Variants in ZNF354C observed in about 807,000 individuals in gnomAD.
ZNF354C encodes the protein KRAB-zinc finger protein synten.
ZNF354C carries 7 observed loss-of-function variants against 12.4 expected under a neutral mutation model. The observed-to-expected ratio is 0.56, with a 90% CI of 0.32 to 1.06. The LOEUF (loss-of-function observed/expected upper bound fraction) is 1.06. ZNF354C is among the 50% of genes least tolerant of loss of function. The pLI is 0.04. For missense variants in ZNF354C, 609 were observed against 658.0 expected (o/e 0.93, Z 0.81); for synonymous variants, 202 against 224.5 (o/e 0.90, Z 0.90).
rs1021614858 is a variant in ZNF354C, at chr5:179,083,677, C to G, written c.*3580C>G. 1 of 152,180 alleles carries G rather than the reference C, an allele frequency of 6.6e-6. No individual in the cohort carries two copies. The highest frequency in any genetic ancestry group is 1.5e-5 in the Non-Finnish European group (1 of 68,044). 9.4% of individuals were successfully genotyped at this position (152,180 alleles called of 1,614,324 possible). A position where few individuals can be genotyped will look rare whatever the true frequency, so the allele number is the denominator to read the frequency against. On this transcript the variant is annotated 3_prime_UTR_variant, in exon 5 of 5. Transcript: ENST00000315475. ...CCAGTTCTCCTTTAAATGGAATGAG[C>G]ATGTTCCACTTTATCTCTCATGCTA... is the stretch of plus-strand genomic sequence containing the variant.
intron 2 of ZNF354C, among the ~76,000 whole-genome samples, chr5:179,063,369 G>A (rs1302954066): frequency 6.6e-6 from 1 of 152,146 alleles, no homozygotes; most frequent in Non-Finnish European, 1.5e-5. Context: ...AGACCAACCT[G>A]AGCAACATAG....
rs1561754021 is a variant in ZNF354C at position 179,083,048 on chromosome 5, G to A, written c.*2951G>A. On this transcript the variant is annotated 3_prime_UTR_variant, in exon 5 of 5. Coordinates refer to ENST00000315475, the MANE Select transcript of ZNF354C (RefSeq NM_014594.3). ...CTTGCACACATTCCACTGGCCCTAC[G>A]CAGGGGTGTGATGTTGTAAGCCATA... is the stretch of plus-strand genomic sequence containing the variant. The A allele has an allele frequency of 6.5e-6, 5 of 768,878 alleles. No individual in the cohort carries two copies. The highest frequency in any genetic ancestry group is 2.3e-5 in the Admixed American group (1 of 42,636). 47.6% of individuals were successfully genotyped at this position (768,878 alleles called of 1,614,324 possible).
At chr5:179,061,885 C>T (rs1761898915) in intron 1 of ZNF354C, 130 bp from the exon 2 acceptor site, 6 of 687,300 alleles carry the variant, frequency 8.7e-6, no homozygotes, top group Non-Finnish European at 1.6e-5. Flanking sequence ...AGTAAACACT[C>T]TTCTTGCTTT....
chr5:179,079,781 G>C lies in ZNF354C; in HGVS notation c.1349G>C (p.Gly450Ala). ...TGTGAGGAATGTGGGAAAGCCTTTGGTTGCAAATCTAACCTTTATAGGCAT... is the reference window on the plus strand; with the variant it reads ...TGTGAGGAATGTGGGAAAGCCTTTGCTTGCAAATCTAACCTTTATAGGCAT... The part of the protein sequence containing the change: ...YTCEECGKAF[G>A]CKSNLYRHQR... The change falls in exon 5 of 5, where the codon GGT becomes GCT. Residue 450 changes from glycine to alanine, a missense_variant. Coordinates refer to ENST00000315475, the MANE Select transcript of ZNF354C (RefSeq NM_014594.3). This position sits in a 1 kb window ranked among gnomAD's most constrained non-coding sequence, Gnocchi z 4.2. The C allele has an allele frequency of 1.2e-6, 2 of 1,614,108 alleles. No homozygotes were observed. Among genetic ancestry groups the C allele is most frequent in the Non-Finnish European group, 1.7e-6 (2 of 1,180,010 alleles).
chr5:179,072,970 A>C (rs1402853603), intron 2 of ZNF354C, among the ~76,000 whole-genome samples: 2 of 152,202 alleles, frequency 1.3e-5, no homozygotes, highest in Non-Finnish European at 2.9e-5. Flanking sequence ...ACATATAGCT[A>C]GCTGGTTTCT....
In ZNF354C at chr5:179,062,114, T is replaced by G; in HGVS notation, c.27+19T>G. The G allele has an allele frequency of 6.2e-7, 1 of 1,614,088 alleles. No homozygotes were observed. Among genetic ancestry groups the G allele is most frequent in the African/African-American group, 1.3e-5 (1 of 75,036 alleles). The stretch of plus-strand genomic sequence containing the variant: ...TGCTCAGGTGAGAGTGAGTGAAGGT[T>G]GTCTTTTTCATCAGTTGGCTTCTGG... On this transcript the variant is annotated intron_variant, in intron 2 of 4. Transcript: ENST00000315475.
chr5:179,074,203 C>T (rs745399128), intron 2 of ZNF354C, among the ~76,000 whole-genome samples: 18 of 151,866 alleles, frequency 1.2e-4, no homozygotes, highest in Admixed American at 2.0e-4. Flanking sequence ...GGATGGTCTC[C>T]ATCTCTTGAC....
intron 2 of ZNF354C, among the ~76,000 whole-genome samples, chr5:179,064,863 T>G (rs1188973211): frequency 6.6e-6 from 1 of 152,128 alleles, no homozygotes; most frequent in South Asian, 2.1e-4. Context: ...CTCTACTTGT[T>G]AGGAAAACTG....
rs566002542 is a variant in ZNF354C, at chr5:179,064,995, A to G, written c.27+2900A>G. On this transcript the variant is annotated intron_variant, in intron 2 of 4. Coordinates refer to ENST00000315475, the MANE Select transcript of ZNF354C (RefSeq NM_014594.3). Reference sequence around the variant, plus strand: ...ATTTGGTATTGATTGCTTAATAGTCATAATTTGTTAATTACATATTTTTCT... The same window carrying G: ...ATTTGGTATTGATTGCTTAATAGTCGTAATTTGTTAATTACATATTTTTCT... Among the ~76,000 whole-genome samples the G allele has an allele frequency of 5.9e-5, 9 of 152,290 alleles. No individual in the cohort carries two copies. In the East Asian group the frequency reaches 1.7e-3, roughly 29 times the overall value.
intron 2 of ZNF354C, among the ~76,000 whole-genome samples, chr5:179,067,218 G>A (rs147192683): frequency 1.4e-3 from 212 of 152,284 alleles, no homozygotes; most frequent in African/African-American, 5.0e-3. Flanking sequence ...TCGTTCACAT[G>A]TCAGGTAGTT....
rs762681749 is a variant in ZNF354C at position 179,078,829 on chromosome 5, G to A, written c.397G>A (p.Glu133Lys). 40 of 1,613,954 alleles carry A rather than the reference G, an allele frequency of 2.5e-5. 1 individual carries two copies. Among genetic ancestry groups the A allele is most frequent in the South Asian group, 1.2e-4 (11 of 91,078 alleles). ...TGAAGAAGCTGTGGAATTTGAGAGC[G>A]AGATAGAAGAAGAGCAAGAGAAGAA... The part of the protein sequence containing the change: ...NFEEAVEFES[E>K]IEEEQEKKPL... The change falls in exon 5 of 5, where the codon GAG becomes AAG. Residue 133 changes from glutamate (E) to lysine (K), a missense_variant. Physicochemically the swap from Glu to Lys is moderately conservative, Grantham distance 56. Transcript: ENST00000315475.
In ZNF354C at chr5:179,082,443, G is replaced by C. The variant is rs1762241146; in HGVS notation, c.*2346G>C. On this transcript the variant is annotated 3_prime_UTR_variant, in exon 5 of 5. Coordinates refer to ENST00000315475, the MANE Select transcript of ZNF354C (RefSeq NM_014594.3). ...GTATGGAAATAAATAGACAAGTCCA[G>C]AGTTGGTATAGGACAACTGGACTTT... The C allele has an allele frequency of 4.0e-6, 2 of 496,696 alleles. No homozygotes were observed. Among genetic ancestry groups the C allele is most frequent in the Non-Finnish European group, 3.6e-6 (1 of 280,590 alleles). The allele number at this position is 496,696 out of a possible 1,614,324, so 30.8% of individuals were successfully genotyped here. A position where few individuals can be genotyped will look rare whatever the true frequency, so the allele number is the denominator to read the frequency against.
intron 2 of ZNF354C, among the ~76,000 whole-genome samples, chr5:179,075,811 C>T (rs1762111811): frequency 6.6e-6 from 1 of 152,220 alleles, no homozygotes; most frequent in Admixed American, 6.5e-5. Context: ...AATAAATGTA[C>T]TGAAATTTGC....
chr5:179,077,040 G>T, intron 3 of ZNF354C, 31 bp from the exon 4 acceptor site: 1 of 1,596,858 alleles, frequency 6.3e-7, no homozygotes, highest in Non-Finnish European at 8.6e-7. Flanking sequence ...CATGCTATTT[G>T]TTCAAACTTC....
chr5:179,079,842 T>C lies in ZNF354C; in HGVS notation c.1410T>C (p.Cys470=), dbSNP rs1561752610. 1.2e-6 allele frequency: 2 copies of C among 1,613,972 alleles called. No homozygotes were observed. Among genetic ancestry groups the C allele is most frequent in the Admixed American group, 3.3e-5 (2 of 60,004 alleles). The change falls in exon 5 of 5, where the codon TGT becomes TGC. Residue 470 remains cysteine (C), a synonymous_variant. Transcript: ENST00000315475. The surrounding 1 kb of genome is among the most constrained non-coding windows in gnomAD (Gnocchi z 4.2). The part of the protein sequence containing the change: ...RIHTGEKPYQ[C]NQCGKAFSQY... ...ATACTGGAGAGAAACCGTATCAGTGTAATCAGTGTGGAAAGGCCTTCAGCC... is the reference window on the plus strand; with the variant it reads ...ATACTGGAGAGAAACCGTATCAGTGCAATCAGTGTGGAAAGGCCTTCAGCC...
In ZNF354C at chr5:179,062,060, G is replaced by A; in HGVS notation, c.-9G>A. 6.2e-7 allele frequency: 1 copy of A among 1,614,198 alleles called. No individual in the cohort carries two copies. The highest frequency in any genetic ancestry group is 8.5e-7 in the Non-Finnish European group (1 of 1,180,046). On this transcript the variant is annotated 5_prime_UTR_variant, in exon 2 of 5. Coordinates refer to ENST00000315475, the MANE Select transcript of ZNF354C (RefSeq NM_014594.3). ...GCTCTCCCTGGGCAGGAAGACTGAG[G>A]AGGAAGGGATGGCTGTGGATCTGCT...
chr5:179,063,968 A>G (rs1002683306), intron 2 of ZNF354C, among the ~76,000 whole-genome samples: 3 of 152,216 alleles, frequency 2.0e-5, no homozygotes, highest in Non-Finnish European at 4.4e-5. Context: ...CCTTAATTAG[A>G]AGCAGATGGA....
At position 179,079,090 on chromosome 5, in the gene ZNF354C, G is replaced by T; in HGVS notation, c.658G>T (p.Glu220Ter). The change falls in exon 5 of 5, where the codon GAA becomes TAA. Residue 220 changes from glutamate to a stop codon, truncating the protein, a stop_gained. Transcript: ENST00000315475. LOFTEE classifies it low-confidence loss of function (END_TRUNC). This position sits in a 1 kb window ranked among gnomAD's most constrained non-coding sequence, Gnocchi z 4.2. ...YPGGKPHICN[E>*]CGKSFKQNLH... ...AGGAGGAAAACCTCACATCTGTAAT[G>T]AATGTGGGAAGAGCTTCAAGCAGAA... The T allele has an allele frequency of 6.2e-7, 1 of 1,613,884 alleles. No individual in the cohort carries two copies. Among genetic ancestry groups the T allele is most frequent in the Non-Finnish European group, 8.5e-7 (1 of 1,180,004 alleles).
chr5:179,079,009 T>A lies in ZNF354C; in HGVS notation c.577T>A (p.Phe193Ile). The change falls in exon 5 of 5, where the codon TTT becomes ATT. Residue 193 changes from phenylalanine (F) to isoleucine (I), a missense_variant. Transcript: ENST00000315475. This position sits in a 1 kb window ranked among gnomAD's most constrained non-coding sequence, Gnocchi z 4.2. Reference sequence around the variant, plus strand: ...AAGGATACCCAATATGTATTATACATTTGGGAAAGATTTTAAACAGAATTT... The same window carrying A: ...AAGGATACCCAATATGTATTATACAATTGGGAAAGATTTTAAACAGAATTT... ...IERIPNMYYT[F>I]GKDFKQNFDL... 6.2e-7 allele frequency: 1 copy of A among 1,612,946 alleles called. No homozygotes were observed. The highest frequency in any genetic ancestry group is 8.5e-7 in the Non-Finnish European group (1 of 1,179,776).
Sources: gnomAD v4.1 joint callset for allele counts (sites outside exome capture counted in the v4.1 genomes callset) on GRCh38, gnomAD v4.1.1 for gene constraint, Gnocchi (gnomAD v3.1) non-coding constraint, MANE v1.5 for transcripts, NCBI Gene and HGNC (gene_info 2026-07-23, HGNC 2026-07-21) for gene names.